ACVR1: variants seen among roughly 807,000 people sequenced by gnomAD.
ACVR1 encodes the protein activin A receptor type 1.
Under a neutral mutation model 57.1 loss-of-function variants are expected in ACVR1, and 38 were observed. The ratio of observed to expected loss-of-function variants is 0.67; its 90% CI spans 0.51 to 0.87. ACVR1 has a LOEUF of 0.87. Ranked by LOEUF, ACVR1 falls within the 40% of genes least tolerant of loss-of-function variation. The probability of loss-of-function intolerance (pLI) is 0.00; values close to 1 mark genes in which losing one functional copy is unlikely to be tolerated. For synonymous variants in ACVR1, 212 were observed against 228.1 expected (o/e 0.93, Z 0.63); for missense variants, 463 against 638.2 (o/e 0.73, Z 2.96).
At chr2:157,837,364 C>A (rs1182196176) in intron 1 of ACVR1, among the ~76,000 whole-genome samples, 4 of 152,104 alleles carry the variant, frequency 2.6e-5, no homozygotes, top group African/African-American at 9.7e-5. Flanking sequence ...CCTTACCTGG[C>A]CCACAGTCAC....
intron 3 of ACVR1, chr2:157,790,029 A>G (rs892404186): frequency 6.6e-6 from 1 of 152,362 alleles, no homozygotes; most frequent in Admixed American, 6.5e-5. Flanking sequence ...GAAGCACCAA[A>G]TGGAACTGCT....
chr2:157,849,654 A>C (rs944855390), intron 1 of ACVR1, among the ~76,000 whole-genome samples: 9 of 152,240 alleles, frequency 5.9e-5, no homozygotes, highest in Non-Finnish European at 1.3e-4. Flanking sequence ...ATAGGCTTTT[A>C]TTAAAAATAT....
chr2:157,760,518 T>A (rs572790139), intron 9 of ACVR1, among the ~76,000 whole-genome samples: 2 of 152,308 alleles, frequency 1.3e-5, no homozygotes, highest in Admixed American at 6.5e-5. Flanking sequence ...ATGTCCTGAT[T>A]TGAGCACTAC....
chr2:157,849,884 T>A (rs1161245542), intron 1 of ACVR1, among the ~76,000 whole-genome samples: 1 of 152,218 alleles, frequency 6.6e-6, no homozygotes, highest in East Asian at 1.9e-4. Flanking sequence ...GCTTTCAACT[T>A]GAAATCAGCA....
intron 3 of ACVR1, among the ~76,000 whole-genome samples, chr2:157,796,273 C>T (rs569767975): frequency 1.5e-4 from 23 of 151,470 alleles, no homozygotes; most frequent in Non-Finnish European, 1.2e-4. Flanking sequence ...AATCGATAGC[C>T]GGCCAAGGTG....
In ACVR1 at chr2:157,738,526, T is replaced by C. The variant is rs1216474559; in HGVS notation, c.1309A>G (p.Asn437Asp). 3 of 1,614,142 alleles carry C rather than the reference T, an allele frequency of 1.9e-6. No individual in the cohort carries two copies. The highest frequency in any genetic ancestry group is 2.2e-5 in the East Asian group (1 of 44,874). The change falls in exon 10 of 11, where the codon AAT becomes GAT. Residue 437 changes from asparagine to aspartate, a missense_variant. This residue lies in a region of ACVR1 where 146 missense variants were observed against 186.6 expected (regional missense o/e 0.78). Transcript: ENST00000434821. ...YKPPFYDVVP[N>D]DPSFEDMRKV... ...CTCATATCTTCAAAACTTGGGTCAT[T>C]GGGAACCACATCGTAGAACGGTGGC...
At chr2:157,750,157 C>A (rs1190478443) in intron 9 of ACVR1, among the ~76,000 whole-genome samples, 4 of 152,238 alleles carry the variant, frequency 2.6e-5, no homozygotes, top group African/African-American at 9.6e-5. Flanking sequence ...TAGGCTGGTA[C>A]CCAAGCTTGC....
intron 8 of ACVR1, among the ~76,000 whole-genome samples, chr2:157,762,679 G>A (rs1381216772): frequency 6.6e-6 from 1 of 152,194 alleles, no homozygotes; most frequent in Non-Finnish European, 1.5e-5. Context: ...CTATTGAATA[G>A]ACTATGGCAT....
At chr2:157,786,281 T>C (rs1160585594) in intron 3 of ACVR1, among the ~76,000 whole-genome samples, 1 of 152,244 alleles carries the variant, frequency 6.6e-6, no homozygotes, top group African/African-American at 2.4e-5. Flanking sequence ...GAGTTGCATC[T>C]ATTAATACTT....
chr2:157,858,387 G>A (rs1431210541), intron 1 of ACVR1, among the ~76,000 whole-genome samples: 3 of 152,062 alleles, frequency 2.0e-5, no homozygotes, highest in African/African-American at 4.8e-5. Context: ...GAACTTTACC[G>A]CCTCCTGTAC....
intron 1 of ACVR1, among the ~76,000 whole-genome samples, chr2:157,844,904 A>G (rs1207474428): frequency 6.6e-6 from 1 of 152,208 alleles, no homozygotes; most frequent in East Asian, 1.9e-4. Context: ...AGAAGGTGCC[A>G]TCTTTGAAGC....
At chr2:157,862,499 T>C (rs922430738) in intron 1 of ACVR1, among the ~76,000 whole-genome samples, 1 of 151,346 alleles carries the variant, frequency 6.6e-6, no homozygotes, top group Non-Finnish European at 1.5e-5. Flanking sequence ...CTAATATATA[T>C]ATAAGGTAGT....
chr2:157,831,895 T>A (rs1442357209), intron 1 of ACVR1, among the ~76,000 whole-genome samples: 1 of 152,252 alleles, frequency 6.6e-6, no homozygotes, highest in Non-Finnish European at 1.5e-5. Context: ...TAAAAACCAC[T>A]GAATAGTACA....
chr2:157,850,315 G>A (rs951729701), intron 1 of ACVR1, among the ~76,000 whole-genome samples: 3 of 151,744 alleles, frequency 2.0e-5, no homozygotes, highest in Admixed American at 6.6e-5. Context: ...ATTTGAACCC[G>A]GTAGGCAGAG....
chr2:157,874,484 A>G (rs1690214383), intron 1 of ACVR1, among the ~76,000 whole-genome samples: 1 of 152,210 alleles, frequency 6.6e-6, no homozygotes. Context: ...TGGCTGCCCA[A>G]GCCTGGGCCC....
At chr2:157,859,674 C>A (rs942636404) in intron 1 of ACVR1, among the ~76,000 whole-genome samples, 1 of 152,100 alleles carries the variant, frequency 6.6e-6, no homozygotes, top group Non-Finnish European at 1.5e-5. Context: ...ATCTCATGGG[C>A]TCAGACTCCC....
chr2:157,821,646 T>C (rs1321723647), intron 1 of ACVR1, among the ~76,000 whole-genome samples: 1 of 152,226 alleles, frequency 6.6e-6, no homozygotes, highest in Admixed American at 6.5e-5. Flanking sequence ...TTCCAAAAAT[T>C]TAGCCAACTT....
intron 1 of ACVR1, among the ~76,000 whole-genome samples, chr2:157,863,010 ACTTT>A (rs1489100970): frequency 7.3e-4 from 57 of 77,848 alleles, no homozygotes; most frequent in Non-Finnish European, 1.1e-3. Flanking sequence ...TAGAACATTT[ACTTT>A]TTTTTTTTTT....
intron 9 of ACVR1, among the ~76,000 whole-genome samples, chr2:157,760,243 T>C (rs1188147041): frequency 6.6e-6 from 1 of 152,094 alleles, no homozygotes; most frequent in Non-Finnish European, 1.5e-5. Context: ...AAAAAGTTGA[T>C]CTCATGGTGG....
Sources: allele counts gnomAD v4.1 joint callset (sites outside exome capture counted in the v4.1 genomes callset), GRCh38; gene constraint gnomAD v4.1.1; regional missense constraint gnomAD v4.1.1; transcripts MANE v1.5; gene names NCBI Gene and HGNC (gene_info 2026-07-23, HGNC 2026-07-21).